Variants in NALF1 observed in about 807,000 individuals in gnomAD.
The protein encoded by NALF1 is NALCN channel auxiliary factor 1.
Under a neutral mutation model 48.4 loss-of-function variants are expected in NALF1, and 3 were observed. The ratio of observed to expected loss-of-function variants is 0.06; its 90% CI spans 0.03 to 0.16. NALF1 has a LOEUF of 0.16. Among genes scored for constraint, NALF1 ranks in the 10% least tolerant of loss-of-function variants. The probability of loss-of-function intolerance (pLI) is 1.00; values close to 1 mark genes in which losing one functional copy is unlikely to be tolerated. For synonymous variants in NALF1, 262 were observed against 245.7 expected (o/e 1.07, Z -0.62); for missense variants, 526 against 571.5 (o/e 0.92, Z 0.81).
At chr13:107,450,094 C>T (rs958487851) in intron 1 of NALF1, among the ~76,000 whole-genome samples, 5 of 152,094 alleles carry the variant, frequency 3.3e-5, no homozygotes, top group South Asian at 2.1e-4. Context: ...TATCATCTGT[C>T]CCCTCTGGAG....
At chr13:107,826,543 G>A (rs1879527298) in intron 1 of NALF1, among the ~76,000 whole-genome samples, 1 of 152,224 alleles carries the variant, frequency 6.6e-6, no homozygotes, top group African/African-American at 2.4e-5. Flanking sequence ...TGGTGAAGCA[G>A]AATGAAAAGT....
chr13:107,852,156 ATTC>A (rs1307681470), intron 1 of NALF1, among the ~76,000 whole-genome samples: 2 of 152,058 alleles, frequency 1.3e-5, no homozygotes, highest in African/African-American at 4.8e-5. Context: ...AAAAGCAAGT[ATTC>A]TTCTAGGTTT....
chr13:107,436,624 T>C lies in NALF1; in HGVS notation c.916-225869A>G, dbSNP rs543843568. On this transcript the variant is annotated intron_variant, in intron 1 of 2. Transcript: ENST00000375915. ...CAAAAAATTAACAACTGGCATCATA[T>C]AGTTAACAGGGAAATATTGAACATT... Among the ~76,000 whole-genome samples, 29 of 152,236 alleles carry C rather than the reference T, an allele frequency of 1.9e-4. No individual in the cohort carries two copies. The South Asian group carries it at 4.1e-3, about 22-fold the overall frequency.
intron 1 of NALF1, among the ~76,000 whole-genome samples, chr13:107,769,666 T>A (rs1182054619): frequency 2.3e-4 from 33 of 143,464 alleles, no homozygotes; most frequent in African/African-American, 7.0e-4. Flanking sequence ...AATGTGCACA[T>A]GTACCCTAAA....
chr13:107,839,146 G>A (rs1238046070), intron 1 of NALF1, among the ~76,000 whole-genome samples: 1 of 151,766 alleles, frequency 6.6e-6, no homozygotes. Flanking sequence ...TAGGGGTAAG[G>A]GGCTGACATT....
At chr13:107,838,344 G>A (rs533179452) in intron 1 of NALF1, among the ~76,000 whole-genome samples, 20 of 152,272 alleles carry the variant, frequency 1.3e-4, no homozygotes, top group East Asian at 3.9e-4. Context: ...GAAATGCACC[G>A]CTATGCATTC....
intron 1 of NALF1, among the ~76,000 whole-genome samples, chr13:107,581,409 T>G (rs574888355): frequency 2.0e-4 from 31 of 152,314 alleles, no homozygotes; most frequent in African/African-American, 7.5e-4. Context: ...GTCTTAATTA[T>G]TATATATGTC....
chr13:107,441,680 G>A (rs1884562389), intron 1 of NALF1, among the ~76,000 whole-genome samples: 1 of 152,172 alleles, frequency 6.6e-6, no homozygotes, highest in Non-Finnish European at 1.5e-5. Flanking sequence ...TGGTTAACAG[G>A]AAGTTACACA....
At chr13:107,482,284 A>G (rs1885265756) in intron 1 of NALF1, among the ~76,000 whole-genome samples, 1 of 151,974 alleles carries the variant, frequency 6.6e-6, no homozygotes, top group African/African-American at 2.4e-5. Context: ...CAGATTGAGG[A>G]CTTGCCCACC....
At position 107,251,916 on chromosome 13, in the gene NALF1, C is replaced by CA. The variant is rs1880708024; in HGVS notation, c.916-41162dup. 2.0e-5 allele frequency among the ~76,000 whole-genome samples: 3 copies of CA among 152,176 alleles called. No individual in the cohort carries two copies. In the South Asian group the frequency reaches 6.2e-4, roughly 31 times the overall value. On this transcript the variant is annotated intron_variant, in intron 1 of 2. Transcript: ENST00000375915. Reference sequence around the variant, plus strand: ...ACTAGTATTTAAAGTGGTAATGTCACATGCTATGGAGAAAAGCAGAGAAGG... The same window carrying CA: ...ACTAGTATTTAAAGTGGTAATGTCACAATGCTATGGAGAAAAGCAGAGAAGG...
intron 1 of NALF1, among the ~76,000 whole-genome samples, chr13:107,624,122 T>A (rs1224471089): frequency 6.6e-6 from 1 of 152,094 alleles, no homozygotes; most frequent in Non-Finnish European, 1.5e-5. Context: ...AGAGGAAAAA[T>A]CATCCTCATT....
chr13:107,745,443 T>C (rs1876756983), intron 1 of NALF1, among the ~76,000 whole-genome samples: 1 of 152,244 alleles, frequency 6.6e-6, no homozygotes, highest in East Asian at 1.9e-4. Flanking sequence ...AGTTCTAGTA[T>C]GTTGCCTGAA....
At chr13:107,582,948 C>T (rs1006700175) in intron 1 of NALF1, among the ~76,000 whole-genome samples, 1 of 152,152 alleles carries the variant, frequency 6.6e-6, no homozygotes, top group East Asian at 1.9e-4. Context: ...CCATTCTGAC[C>T]TCTGATTCCT....
chr13:107,592,746 T>C (rs1338897843), intron 1 of NALF1, among the ~76,000 whole-genome samples: 2 of 151,864 alleles, frequency 1.3e-5, no homozygotes, highest in Non-Finnish European at 2.9e-5. Context: ...TCCAAACAGA[T>C]CATTCATACA....
chr13:107,665,968 T>G (rs980722738), intron 1 of NALF1, among the ~76,000 whole-genome samples: 2 of 152,136 alleles, frequency 1.3e-5, no homozygotes, highest in Admixed American at 1.3e-4. Flanking sequence ...TAAAACTTGA[T>G]GTTCTTTAAA....
At chr13:107,336,881 G>A (rs1426239462) in intron 1 of NALF1, among the ~76,000 whole-genome samples, 1 of 151,780 alleles carries the variant, frequency 6.6e-6, no homozygotes, top group Admixed American at 6.6e-5. Context: ...CTTTTGAAGT[G>A]GCTGTTTCTA....
At chr13:107,358,194 T>G (rs1454165211) in intron 1 of NALF1, among the ~76,000 whole-genome samples, 2 of 145,830 alleles carry the variant, frequency 1.4e-5, no homozygotes, top group African/African-American at 2.6e-5. Context: ...GTGTGTGTGT[T>G]TAAAATAAAG....
chr13:107,638,958 G>A (rs376377851), intron 1 of NALF1, among the ~76,000 whole-genome samples: 73 of 152,278 alleles, frequency 4.8e-4, no homozygotes, highest in African/African-American at 1.7e-3. Flanking sequence ...CTGACGTCTG[G>A]CTTCCCTATA....
At chr13:107,314,901 T>TAATGAA (rs1882116238) in intron 1 of NALF1, among the ~76,000 whole-genome samples, 1 of 152,150 alleles carries the variant, frequency 6.6e-6, no homozygotes, top group African/African-American at 2.4e-5. Flanking sequence ...AGCCATAAAG[T>TAATGAA]TGTCATCTGG....
Sources: gnomAD v4.1 joint callset for allele counts (sites outside exome capture counted in the v4.1 genomes callset) on GRCh38, gnomAD v4.1.1 for gene constraint, MANE v1.5 for transcripts, NCBI Gene and HGNC (gene_info 2026-07-23, HGNC 2026-07-21) for gene names.